HOOK3: variants seen among roughly 807,000 people sequenced by gnomAD.
The protein encoded by HOOK3 is hook microtubule tethering protein 3.
In HOOK3, 24 loss-of-function variants were observed where a neutral mutation model predicts 116.3. The ratio of observed to expected loss-of-function variants is 0.21; its 90% CI spans 0.15 to 0.29. The LOEUF is 0.29. Ranked by LOEUF, HOOK3 falls within the 10% of genes least tolerant of loss-of-function variation. The pLI is 1.00. For synonymous variants in HOOK3, 275 were observed against 283.0 expected, an observed-to-expected ratio of 0.97 and a Z score of 0.28; for missense variants, 632 against 830.2, an observed-to-expected ratio of 0.76 and a Z score of 2.93.
rs1331247429 is a variant in HOOK3, at chr8:43,018,606, G to T, written c.*108G>T. On this transcript the variant is annotated 3_prime_UTR_variant, in exon 22 of 22. Coordinates refer to ENST00000307602, the MANE Select transcript of HOOK3 (RefSeq NM_032410.4). ...AGCTTATTTTTTGTTTCTCTTCTAT[G>T]TCAATACTTAGTGTTTCTCATTTTG... The T allele has an allele frequency of 6.3e-6, 7 of 1,106,370 alleles. No individual in the cohort carries two copies. The Admixed American group carries it at 2.1e-4, about 32-fold the overall frequency. The allele number at this position is 1,106,370 out of a possible 1,614,324, so 68.5% of individuals were successfully genotyped here. A position where few individuals can be genotyped will look rare whatever the true frequency, so the allele number is the denominator to read the frequency against.
At chr8:42,990,648 T>A (rs71523505) in intron 15 of HOOK3, among the ~76,000 whole-genome samples, 1 of 152,032 alleles carries the variant, frequency 6.6e-6, no homozygotes, top group Non-Finnish European at 1.5e-5. Context: ...GCTCTCCTTG[T>A]GCCTATTTTT....
At position 42,974,097 on chromosome 8, in the gene HOOK3, G is replaced by C; in HGVS notation, c.1234-10G>C. ...TGAAGCTAACCCTCCATGTTTTTGT[G>C]TCTCTCCAGAGGCTGAGAACAGAAA... On this transcript the variant is annotated splice_polypyrimidine_tract_variant and intron_variant, in intron 12 of 21. Transcript: ENST00000307602. 1.9e-6 allele frequency: 3 copies of C among 1,605,364 alleles called. No homozygotes were observed. The highest frequency in any genetic ancestry group is 2.2e-5 in the South Asian group (2 of 90,786).
chr8:43,013,564 A>C (rs1032574533), intron 21 of HOOK3, among the ~76,000 whole-genome samples, 164 bp downstream of exon 21: 5 of 152,228 alleles, frequency 3.3e-5, no homozygotes, highest in African/African-American at 1.2e-4. Context: ...CTGAAAAGCA[A>C]CTATGAGAAC....
chr8:42,929,434 G>A (rs1807831702), intron 3 of HOOK3, among the ~76,000 whole-genome samples: 1 of 152,170 alleles, frequency 6.6e-6, no homozygotes, highest in Non-Finnish European at 1.5e-5. Flanking sequence ...CCCAGGGACA[G>A]CTAGATCAAT....
At chr8:42,999,825 A>G (rs1809345362) in intron 16 of HOOK3, among the ~76,000 whole-genome samples, 1 of 152,186 alleles carries the variant, frequency 6.6e-6, no homozygotes. Flanking sequence ...GACGGTAGAA[A>G]AAAGAAAAAT....
rs374275889 is a variant in HOOK3, at chr8:42,991,036, A to G, written c.1532+4241A>G. ...TGCATAATGATATCCAGTACCTTTT[A>G]TCAAAGAGACTGCCCTTTCCCCAGA... On this transcript the variant is annotated intron_variant, in intron 15 of 21. Coordinates refer to ENST00000307602, the MANE Select transcript of HOOK3 (RefSeq NM_032410.4). Among the ~76,000 whole-genome samples the G allele has an allele frequency of 1.7e-4, 26 of 152,322 alleles. 1 individual carries two copies. Among genetic ancestry groups the G allele is most frequent in the African/African-American group, 6.3e-4 (26 of 41,568 alleles).
In HOOK3 at chr8:43,021,690, A is replaced by G. The variant is rs545272910; in HGVS notation, c.*3192A>G. On this transcript the variant is annotated 3_prime_UTR_variant, in exon 22 of 22. Coordinates refer to ENST00000307602, the MANE Select transcript of HOOK3 (RefSeq NM_032410.4). ...TCTTTCTTTTTTTTTTTTTTGTGAG[A>G]TGATGTCTCGCTCTGTCACCCAGGC... The G allele has an allele frequency of 4.6e-4, 70 of 151,852 alleles. No individual in the cohort carries two copies. Among genetic ancestry groups the G allele is most frequent in the Non-Finnish European group, 7.3e-4 (53 of 72,282 alleles). The allele number at this position is 151,852 out of a possible 1,614,324, so 9.4% of individuals were successfully genotyped here.
At position 43,018,215 on chromosome 8, in the gene HOOK3, A is replaced by C; in HGVS notation, c.2017-143A>C. On this transcript the variant is annotated intron_variant, in intron 21 of 21. Coordinates refer to ENST00000307602, the MANE Select transcript of HOOK3 (RefSeq NM_032410.4). ...ATGGGAACTAAAATGCCTCTATGAGATTTTAATCTATAGTGAGTAGTATTA... is the reference window on the plus strand; with the variant it reads ...ATGGGAACTAAAATGCCTCTATGAGCTTTTAATCTATAGTGAGTAGTATTA... 9.8e-6 allele frequency: 7 copies of C among 717,482 alleles called. No individual in the cohort carries two copies. In the South Asian group the frequency reaches 1.9e-4, roughly 20 times the overall value. The allele number at this position is 717,482 out of a possible 1,614,324, so 44.4% of individuals were successfully genotyped here.
chr8:42,915,125 C>T (rs546154739), intron 2 of HOOK3, among the ~76,000 whole-genome samples: 2 of 152,262 alleles, frequency 1.3e-5, no homozygotes, highest in South Asian at 4.1e-4. Context: ...ACTGGGTGGA[C>T]TTTGCTCCCT....
chr8:42,989,643 A>G (rs1011066884), intron 15 of HOOK3, among the ~76,000 whole-genome samples: 1 of 152,164 alleles, frequency 6.6e-6, no homozygotes, highest in Non-Finnish European at 1.5e-5. Flanking sequence ...TAAATGTACA[A>G]TTACATTATT....
chr8:42,961,330 A>C (rs1808531167), intron 8 of HOOK3, among the ~76,000 whole-genome samples: 1 of 152,230 alleles, frequency 6.6e-6, no homozygotes, highest in African/African-American at 2.4e-5. Flanking sequence ...TTTTACTTAT[A>C]ATTTGTTTTG....
At chr8:42,999,222 G>A (rs151028872) in intron 16 of HOOK3, among the ~76,000 whole-genome samples, 179 of 152,242 alleles carry the variant, frequency 1.2e-3, no homozygotes, top group African/African-American at 4.2e-3. Context: ...TATCGCTATG[G>A]TAATCAAATC....
chr8:42,898,925 G>A (rs1447090007), intron 1 of HOOK3, among the ~76,000 whole-genome samples: 1 of 152,132 alleles, frequency 6.6e-6, no homozygotes, highest in Non-Finnish European at 1.5e-5. Flanking sequence ...CACAAAACGT[G>A]TTTTATAATA....
At position 42,906,154 on chromosome 8, in the gene HOOK3, C is replaced by T. The variant is rs201927379; in HGVS notation, c.58-19C>T. On this transcript the variant is annotated intron_variant, in intron 1 of 21. Coordinates refer to ENST00000307602, the MANE Select transcript of HOOK3 (RefSeq NM_032410.4). ...GTAACCACAGAATCTCTCCCCCCCC[C>T]CTCTTTTTTTCCCTTCAGATCCAGA... is the stretch of plus-strand genomic sequence containing the variant. 17 of 1,103,222 alleles carry T rather than the reference C, an allele frequency of 1.5e-5. 1 individual carries two copies. In the Middle Eastern group the frequency reaches 6.4e-4, roughly 42 times the overall value. 68.3% of individuals were successfully genotyped at this position (1,103,222 alleles called of 1,614,324 possible).
chr8:42,958,420 AG>A (rs1415903196), intron 7 of HOOK3, among the ~76,000 whole-genome samples: 1 of 152,040 alleles, frequency 6.6e-6, no homozygotes, highest in African/African-American at 2.4e-5. Context: ...GAGTTTATAT[AG>A]TAATGAGATA....
In HOOK3 at chr8:42,949,873, C is replaced by T. The variant is rs540534413; in HGVS notation, c.401-515C>T. On this transcript the variant is annotated intron_variant, in intron 5 of 21. Coordinates refer to ENST00000307602, the MANE Select transcript of HOOK3 (RefSeq NM_032410.4). Reference sequence around the variant, plus strand: ...CGGAGGTTGCAGTGAGCCGAGATGGCGCCACTGCACTCCAGCCTGGCGACA... The same window carrying T: ...CGGAGGTTGCAGTGAGCCGAGATGGTGCCACTGCACTCCAGCCTGGCGACA... 8.7e-4 allele frequency among the ~76,000 whole-genome samples: 131 copies of T among 150,282 alleles called. 1 individual carries two copies. The South Asian group carries it at 0.011, about 12-fold the overall frequency.
chr8:42,947,348 TCTC>T (rs1173705299), intron 5 of HOOK3, among the ~76,000 whole-genome samples: 1 of 152,204 alleles, frequency 6.6e-6, no homozygotes, highest in African/African-American at 2.4e-5. Flanking sequence ...CTTCTGGAAT[TCTC>T]CTTAATATGT....
intron 17 of HOOK3, among the ~76,000 whole-genome samples, chr8:43,003,350 C>T (rs1809413413): frequency 6.6e-6 from 1 of 152,164 alleles, no homozygotes; most frequent in Admixed American, 6.5e-5. Flanking sequence ...AAGCAGTGGG[C>T]AGATTCTTAA....
intron 5 of HOOK3, among the ~76,000 whole-genome samples, chr8:42,949,862 A>G (rs919154797): frequency 6.6e-6 from 1 of 151,790 alleles, no homozygotes; most frequent in African/African-American, 2.4e-5. Context: ...GGTTGCAGTG[A>G]GCCGAGATGG....
Sources: gnomAD v4.1 joint callset for allele counts (sites outside exome capture counted in the v4.1 genomes callset) on GRCh38, gnomAD v4.1.1 for gene constraint, MANE v1.5 for transcripts, NCBI Gene and HGNC (gene_info 2026-07-23, HGNC 2026-07-21) for gene names.